Variants in TRAPPC9 observed in about 807,000 individuals in gnomAD.
TRAPPC9 encodes the protein IKK2 binding protein.
Under a neutral mutation model 124.0 loss-of-function variants are expected in TRAPPC9, and 83 were observed. The observed-to-expected ratio is 0.67, with a 90% CI of 0.56 to 0.80. The LOEUF (loss-of-function observed/expected upper bound fraction) is 0.80, where lower values mean the gene tolerates loss of function less well. TRAPPC9 is among the 30% of genes least tolerant of loss of function. TRAPPC9 has a pLI of 0.00. For synonymous variants in TRAPPC9, 638 were observed against 617.5 expected (o/e 1.03, Z -0.49); for missense variants, 1,302 against 1,508.3 (o/e 0.86, Z 2.27).
chr8:140,303,203 T>C (rs1373418617), intron 10 of TRAPPC9, among the ~76,000 whole-genome samples: 1 of 152,298 alleles, frequency 6.6e-6, no homozygotes, highest in East Asian at 1.9e-4. Context: ...TGGGTCTTTG[T>C]TCACGTAAAC....
At chr8:139,970,502 G>A (rs1176325517) in intron 19 of TRAPPC9, among the ~76,000 whole-genome samples, 1 of 152,142 alleles carries the variant, frequency 6.6e-6, no homozygotes, top group Non-Finnish European at 1.5e-5. Flanking sequence ...AGTAGCCTGA[G>A]ATCCCTCTGG....
chr8:140,375,781 T>G (rs1373599718), intron 7 of TRAPPC9, among the ~76,000 whole-genome samples: 1 of 152,174 alleles, frequency 6.6e-6, no homozygotes, highest in African/African-American at 2.4e-5. Context: ...TTAACCCTCA[T>G]CAGCCTTCTC....
At chr8:140,162,045 G>A (rs759085000) in intron 17 of TRAPPC9, among the ~76,000 whole-genome samples, 16 of 152,184 alleles carry the variant, frequency 1.1e-4, no homozygotes, top group Non-Finnish European at 1.5e-4. Flanking sequence ...CCAGCAGACC[G>A]GTTAGGACAC....
chr8:140,176,609 A>C lies in TRAPPC9; in HGVS notation c.2556+44850T>G, dbSNP rs999928540. 3.9e-5 allele frequency among the ~76,000 whole-genome samples: 6 copies of C among 152,232 alleles called. No individual in the cohort carries two copies. The East Asian group carries it at 9.6e-4, about 24-fold the overall frequency. On this transcript the variant is annotated intron_variant, in intron 17 of 22. Coordinates refer to ENST00000438773, the MANE Select transcript of TRAPPC9 (RefSeq NM_001160372.4). ...TTCCAGTTTGGGGCTATTATGAATA[A>C]AGCTGCTATGGGCATCGGTCATGTC...
intron 20 of TRAPPC9, among the ~76,000 whole-genome samples, chr8:139,903,806 C>T (rs975334179): frequency 4.6e-5 from 7 of 152,078 alleles, no homozygotes; most frequent in African/African-American, 9.7e-5. Flanking sequence ...TTTGGGAGGC[C>T]GAAGTGGGCA....
intron 7 of TRAPPC9, among the ~76,000 whole-genome samples, chr8:140,384,340 GCT>G (rs1156822463): frequency 6.6e-6 from 1 of 152,054 alleles, no homozygotes. Context: ...TGGGCTAAAT[GCT>G]CCAATTAAAA....
Position 140,045,651 on chromosome 8 carries a change from A to AAC in TRAPPC9, c.2557-21573_2557-21572insGT, listed in dbSNP as rs1554614222. Among the ~76,000 whole-genome samples the AAC allele has an allele frequency of 1.3e-3, 51 of 39,056 alleles. 3 individuals are homozygous for AAC. Among genetic ancestry groups the AAC allele is most frequent in the African/African-American group, 2.0e-3 (34 of 16,924 alleles). 25.6% of individuals were successfully genotyped at this position (39,056 alleles called of 152,430 possible). On this transcript the variant is annotated intron_variant, in intron 17 of 22. Coordinates refer to ENST00000438773, the MANE Select transcript of TRAPPC9 (RefSeq NM_001160372.4). ...CGGCAGAAAAAAAAAAAAAAAAAAAAAAAAAAAACCAAGTCAGGTCCTTTG... is the reference window on the plus strand; with the variant it reads ...CGGCAGAAAAAAAAAAAAAAAAAAAAACAAAAAAAACCAAGTCAGGTCCTTTG...
At chr8:140,011,259 T>C (rs1011556988) in intron 18 of TRAPPC9, among the ~76,000 whole-genome samples, 1 of 151,796 alleles carries the variant, frequency 6.6e-6, no homozygotes, top group Non-Finnish European at 1.5e-5. Context: ...GGAGAATCAC[T>C]TGAACCCAGG....
At chr8:140,394,049 G>A (rs747843168) in intron 7 of TRAPPC9, among the ~76,000 whole-genome samples, 1 of 152,190 alleles carries the variant, frequency 6.6e-6, no homozygotes, top group Non-Finnish European at 1.5e-5. Flanking sequence ...ACAGCAAAAG[G>A]ACAGGCTGCT....
intron 21 of TRAPPC9, among the ~76,000 whole-genome samples, chr8:139,774,406 G>C (rs1489565112): frequency 1.3e-5 from 2 of 152,168 alleles, no homozygotes; most frequent in Non-Finnish European, 2.9e-5. Context: ...ACGGGTGCGT[G>C]CAAGTGTGTG....
chr8:140,030,156 C>T (rs925724789), intron 17 of TRAPPC9, among the ~76,000 whole-genome samples: 1 of 152,130 alleles, frequency 6.6e-6, no homozygotes, highest in Admixed American at 6.5e-5. Context: ...ATGAAATGCA[C>T]TCATGAAAAA....
chr8:140,343,057 C>T (rs1014520805), intron 9 of TRAPPC9, among the ~76,000 whole-genome samples: 2 of 152,158 alleles, frequency 1.3e-5, no homozygotes, highest in African/African-American at 4.8e-5. Context: ...GCAAAAATAA[C>T]ACATTATTGT....
At chr8:140,346,247 G>A (rs947594770) in intron 9 of TRAPPC9, among the ~76,000 whole-genome samples, 1 of 152,196 alleles carries the variant, frequency 6.6e-6, no homozygotes, top group Non-Finnish European at 1.5e-5. Context: ...GCTTCTCCCA[G>A]TTGCTCCATC....
At chr8:140,369,634 T>A (rs943776135) in intron 8 of TRAPPC9, among the ~76,000 whole-genome samples, 4 of 152,044 alleles carry the variant, frequency 2.6e-5, no homozygotes, top group African/African-American at 9.7e-5. Flanking sequence ...GCCAGTGAAA[T>A]GGATGGACAT....
At chr8:140,251,050 A>G (rs1411611194) in intron 16 of TRAPPC9, among the ~76,000 whole-genome samples, 1 of 152,212 alleles carries the variant, frequency 6.6e-6, no homozygotes, top group East Asian at 1.9e-4. Flanking sequence ...TGCACTGAAC[A>G]TGCAAATTCA....
At chr8:140,240,017 G>A (rs1563873477) in intron 16 of TRAPPC9, among the ~76,000 whole-genome samples, 1 of 152,180 alleles carries the variant, frequency 6.6e-6, no homozygotes, top group Non-Finnish European at 1.5e-5. Context: ...TGAATATAAT[G>A]CGTTCAAGAG....
At chr8:139,759,400 G>A (rs140988253) in intron 21 of TRAPPC9, among the ~76,000 whole-genome samples, 3 of 152,302 alleles carry the variant, frequency 2.0e-5, no homozygotes, top group Admixed American at 1.3e-4. Flanking sequence ...CTATTGCCAT[G>A]AGGAAGGTGA....
rs976609306 is a variant in TRAPPC9, at chr8:140,257,764, C to T, written c.2279-4835G>A. 1.1e-4 allele frequency among the ~76,000 whole-genome samples: 16 copies of T among 152,292 alleles called. No individual in the cohort carries two copies. Among genetic ancestry groups the T allele is most frequent in the African/African-American group, 3.6e-4 (15 of 41,564 alleles). On this transcript the variant is annotated intron_variant, in intron 15 of 22. Coordinates refer to ENST00000438773, the MANE Select transcript of TRAPPC9 (RefSeq NM_001160372.4). This position sits in a 1 kb window ranked among gnomAD's most constrained non-coding sequence, Gnocchi z 4.6. Reference sequence around the variant, plus strand: ...GGTATCTACTCAGATATGCAACCATCCCAGCCCTTGTTCTTAGGCTGGAAG... The same window carrying T: ...GGTATCTACTCAGATATGCAACCATTCCAGCCCTTGTTCTTAGGCTGGAAG...
chr8:140,449,180 C>T (rs369849739), intron 2 of TRAPPC9, among the ~76,000 whole-genome samples: 28 of 152,168 alleles, frequency 1.8e-4, no homozygotes, highest in East Asian at 7.7e-4. Context: ...ACAACCAGAA[C>T]GACACCGTGT....
Sources: gnomAD v4.1 joint callset for allele counts (sites outside exome capture counted in the v4.1 genomes callset) on GRCh38, gnomAD v4.1.1 for gene constraint, Gnocchi (gnomAD v3.1) non-coding constraint, MANE v1.5 for transcripts, NCBI Gene and HGNC (gene_info 2026-07-23, HGNC 2026-07-21) for gene names.